KALRN: variants seen among roughly 807,000 people sequenced by gnomAD.
KALRN encodes kalirin.
In KALRN, 70 loss-of-function variants were observed where a neutral mutation model predicts 353.7. The observed-to-expected ratio is 0.20, with a 90% confidence interval of 0.16 to 0.24. The LOEUF (loss-of-function observed/expected upper bound fraction) is 0.24. Among genes scored for constraint, KALRN ranks in the 10% least tolerant of loss-of-function variants. KALRN has a pLI of 1.00. For synonymous variants in KALRN, 1,391 were observed against 1,434.8 expected, an observed-to-expected ratio of 0.97 and a Z score of 0.69; for missense variants, 2,791 against 3,756.7, an observed-to-expected ratio of 0.74 and a Z score of 6.72.
intron 5 of KALRN, among the ~76,000 whole-genome samples, chr3:124,273,021 C>G (rs2074328992): frequency 6.6e-6 from 1 of 152,226 alleles, no homozygotes; most frequent in Non-Finnish European, 1.5e-5. Context: ...TCTTGGCAAT[C>G]AGAGGAGTCT....
chr3:124,373,694 C>T (rs2086182631), intron 10 of KALRN, among the ~76,000 whole-genome samples: 1 of 152,112 alleles, frequency 6.6e-6, no homozygotes, highest in East Asian at 1.9e-4. Context: ...TCTGTATCTT[C>T]ATTTGGACAT....
intron 34 of KALRN, among the ~76,000 whole-genome samples, chr3:124,624,011 A>G (rs1283998904): frequency 6.6e-6 from 1 of 152,256 alleles, no homozygotes; most frequent in African/African-American, 2.4e-5. Flanking sequence ...AGTTACCCAC[A>G]GTCAACTGAG....
chr3:124,266,613 A>G (rs1334608800), intron 4 of KALRN, among the ~76,000 whole-genome samples: 2 of 152,230 alleles, frequency 1.3e-5, no homozygotes, highest in Non-Finnish European at 2.9e-5. Context: ...GAAAACACAG[A>G]GCTGCTTTTA....
intron 34 of KALRN, among the ~76,000 whole-genome samples, chr3:124,564,649 C>T (rs2072569568): frequency 6.6e-6 from 1 of 152,204 alleles, no homozygotes; most frequent in Admixed American, 6.5e-5. Flanking sequence ...CACTGCACTC[C>T]AGACTGGGTG....
At chr3:124,645,646 C>T (rs886212466) in intron 37 of KALRN, among the ~76,000 whole-genome samples, 6 of 108,486 alleles carry the variant, frequency 5.5e-5, no homozygotes, top group Admixed American at 2.0e-4. Context: ...CTCTCTCTCT[C>T]TCTCTCTCTC....
At chr3:124,150,203 T>C (rs2067906058) in intron 1 of KALRN, among the ~76,000 whole-genome samples, 1 of 152,154 alleles carries the variant, frequency 6.6e-6, no homozygotes, top group Admixed American at 6.5e-5. Flanking sequence ...AAAGTAAAAG[T>C]AAACCAAACA....
intron 1 of KALRN, among the ~76,000 whole-genome samples, chr3:124,047,107 T>C (rs1262360114): frequency 6.6e-6 from 1 of 152,162 alleles, no homozygotes; most frequent in East Asian, 1.9e-4. Context: ...ATCACTTGCT[T>C]ATAAATATTC....
chr3:124,137,382 G>T (rs2066051633), intron 1 of KALRN, among the ~76,000 whole-genome samples: 2 of 152,120 alleles, frequency 1.3e-5, no homozygotes, highest in South Asian at 4.1e-4. Flanking sequence ...GCTGGTCCTG[G>T]CAGGATGAGT....
At chr3:124,511,392 C>G (rs1283417182) in intron 33 of KALRN, among the ~76,000 whole-genome samples, 6 of 152,204 alleles carry the variant, frequency 3.9e-5, no homozygotes, top group Non-Finnish European at 5.9e-5. Context: ...TTGATCTACT[C>G]TTTTCTCAGA....
chr3:124,297,348 T>C (rs1039761561), intron 5 of KALRN, among the ~76,000 whole-genome samples: 5 of 152,196 alleles, frequency 3.3e-5, no homozygotes, highest in African/African-American at 1.2e-4. Context: ...CCAAATGGAT[T>C]GTGAGGCTTA....
chr3:124,477,540 A>C (rs976350860), intron 27 of KALRN, among the ~76,000 whole-genome samples: 1 of 152,208 alleles, frequency 6.6e-6, no homozygotes, highest in Non-Finnish European at 1.5e-5. Context: ...GTGATTTTGT[A>C]CGAGGCAAAT....
intron 34 of KALRN, among the ~76,000 whole-genome samples, chr3:124,566,343 A>G (rs770567159): frequency 6.6e-6 from 1 of 152,096 alleles, no homozygotes; most frequent in Non-Finnish European, 1.5e-5. Context: ...TCTACAAAAA[A>G]AATTTAAAAA....
At chr3:124,541,507 C>T (rs904315067) in intron 33 of KALRN, among the ~76,000 whole-genome samples, 1 of 151,726 alleles carries the variant, frequency 6.6e-6, no homozygotes, top group African/African-American at 2.4e-5. Flanking sequence ...CCTTTATAAC[C>T]ACGCAGTTTT....
chr3:124,492,136 G>A (rs1561122956), intron 31 of KALRN, among the ~76,000 whole-genome samples: 1 of 152,180 alleles, frequency 6.6e-6, no homozygotes, highest in Non-Finnish European at 1.5e-5. Flanking sequence ...AGCTTCACAT[G>A]TATTCACTCT....
At chr3:124,616,789 C>G (rs1399313970) in intron 34 of KALRN, among the ~76,000 whole-genome samples, 1 of 151,960 alleles carries the variant, frequency 6.6e-6, no homozygotes, top group Non-Finnish European at 1.5e-5. Context: ...CACGGTGAAA[C>G]CCCGTCTCTA....
chr3:124,664,356 T>TGC (rs1217111670), intron 45 of KALRN, among the ~76,000 whole-genome samples: 16 of 121,496 alleles, frequency 1.3e-4, no homozygotes, highest in Non-Finnish European at 2.2e-4. Context: ...TGTGTGTGTG[T>TGC]GTGTGTGTGT....
chr3:124,721,580 C>T lies in KALRN; in HGVS notation c.*2110C>T, dbSNP rs1341570336. On this transcript the variant is annotated 3_prime_UTR_variant, in exon 60 of 60. Transcript: ENST00000682506. ...TTCATTGTGTTTAAAAAATTTAAAA[C>T]ATATTTACTAAAAATCCTTTTAGTA... is the stretch of plus-strand genomic sequence containing the variant. 6.6e-6 allele frequency: 1 copy of T among 152,058 alleles called. No homozygotes were observed. The highest frequency in any genetic ancestry group is 1.5e-5 in the Non-Finnish European group (1 of 68,000). The allele number at this position is 152,058 out of a possible 1,614,324, so 9.4% of individuals were successfully genotyped here. A position where few individuals can be genotyped will look rare whatever the true frequency, so the allele number is the denominator to read the frequency against.
rs1180435007 is a variant in KALRN at position 124,290,835 on chromosome 3, G to A, written c.970-7956G>A. 4.6e-5 allele frequency among the ~76,000 whole-genome samples: 7 copies of A among 152,302 alleles called. No homozygotes were observed. In the East Asian group the frequency reaches 5.8e-4, roughly 13 times the overall value. ...CTTAGTTGTTGGAATCGTCATAACT[G>A]TCATCATCATTGATGTTATGGAGAT... On this transcript the variant is annotated intron_variant, in intron 5 of 59. Coordinates refer to ENST00000682506, the MANE Select transcript of KALRN (RefSeq NM_001388419.1).
intron 12 of KALRN, among the ~76,000 whole-genome samples, chr3:124,396,442 A>C (rs1308863898): frequency 2.6e-5 from 4 of 152,178 alleles, no homozygotes; most frequent in South Asian, 4.1e-4. Flanking sequence ...AATTATCTTC[A>C]TGAATATATA....
Sources: gnomAD v4.1 joint callset for allele counts (sites outside exome capture counted in the v4.1 genomes callset) on GRCh38, gnomAD v4.1.1 for gene constraint, MANE v1.5 for transcripts, NCBI Gene and HGNC (gene_info 2026-07-23, HGNC 2026-07-21) for gene names.